ADGRG5: variants seen among roughly 807,000 people sequenced by gnomAD.
ADGRG5 encodes adhesion G protein-coupled receptor G5.
Under a neutral mutation model 53.2 loss-of-function variants are expected in ADGRG5, and 37 were observed. The observed-to-expected ratio is 0.70, with a 90% CI of 0.53 to 0.91. ADGRG5 has a LOEUF of 0.91. ADGRG5 is among the 40% of genes least tolerant of loss of function. ADGRG5 has a pLI of 0.00. For synonymous variants in ADGRG5, 277 were observed against 290.4 expected (o/e 0.95, Z 0.47); for missense variants, 614 against 675.8 (o/e 0.91, Z 1.01).
At chr16:57,536,100 G>A in the ADGRG5 span, among the ~76,000 whole-genome samples, 1 of 152,138 alleles carries the variant, frequency 6.6e-6, no homozygotes, top group African/African-American at 2.4e-5. Flanking sequence ...CCGCGGCTCT[G>A]GGCAGGGCGC....
rs543928981 is a variant in ADGRG5, at chr16:57,550,515, A to G, written c.-39+7814A>G. On this transcript the variant is annotated intron_variant, in intron 1 of 11. Coordinates refer to ENST00000349457, the MANE Select transcript of ADGRG5 (RefSeq NM_001304376.3). ...TAATTTTGATGAAATTCAACTTATC[A>G]GTTTTTTGTTGTTGTTGTTGCCATG... Among the ~76,000 whole-genome samples, 57 of 152,292 alleles carry G rather than the reference A, an allele frequency of 3.7e-4. 1 individual carries two copies. The highest frequency in any genetic ancestry group is 1.3e-3 in the African/African-American group (56 of 41,570).
intron 1 of ADGRG5, among the ~76,000 whole-genome samples, chr16:57,548,176 C>CTT (rs57571395): frequency 0.33 from 47,242 of 141,550 alleles, 7,943 homozygotes; most frequent in East Asian, 0.46. Flanking sequence ...CTATACACAT[C>CTT]TTTTTTTTTT....
chr16:57,563,513 C>T (rs558225305), intron 4 of ADGRG5, among the ~76,000 whole-genome samples: 90 of 152,326 alleles, frequency 5.9e-4, no homozygotes, highest in Non-Finnish European at 9.8e-4. Flanking sequence ...CTGCGGGAGG[C>T]GCTGTGGGAG....
chr16:57,559,152 G>T (rs1461051194), intron 1 of ADGRG5, among the ~76,000 whole-genome samples: 3 of 152,084 alleles, frequency 2.0e-5, no homozygotes, highest in African/African-American at 7.2e-5. Flanking sequence ...GCCCAGCACT[G>T]ATGTCTTTTG....
chr16:57,564,059 G>C, intron 5 of ADGRG5, 80 bp downstream of exon 5: 1 of 1,499,202 alleles, frequency 6.7e-7, no homozygotes, highest in South Asian at 1.2e-5. Context: ...TCACTGCCTG[G>C]CCTCTGGGTG....
chr16:57,539,026 A>G (rs2032450057), upstream of ADGRG5, among the ~76,000 whole-genome samples: 1 of 152,244 alleles, frequency 6.6e-6, no homozygotes, highest in African/African-American at 2.4e-5. Context: ...TTCTACACCC[A>G]TGTTGATTGT....
chr16:57,575,534 A>G lies in ADGRG5; in HGVS notation c.1583A>G (p.Gln528Arg). Reference protein sequence around the residue: ...IEAFSSSQTTQ With the variant: ...IEAFSSSQTTR ...GCCTTCAGCTCCTCCCAAACAACAC[A>G]GTAGTCCGGGCCTCCTGGCCTGGAA... is the stretch of plus-strand genomic sequence containing the variant. Residue 528 changes from glutamine to arginine, a missense_variant, in exon 12 of 12, where the codon CAG becomes CGG. By Grantham distance (43) the Gln-to-Arg change is conservative. Transcript: ENST00000349457. The G allele has an allele frequency of 3.1e-6, 5 of 1,613,016 alleles. No homozygotes were observed. The highest frequency in any genetic ancestry group is 4.2e-6 in the Non-Finnish European group (5 of 1,179,014).
At chr16:57,553,092 C>T (rs2146770184) in intron 1 of ADGRG5, among the ~76,000 whole-genome samples, 1 of 152,214 alleles carries the variant, frequency 6.6e-6, no homozygotes, top group African/African-American at 2.4e-5. Flanking sequence ...GATCTCTGTT[C>T]ACAGATCACC....
Position 57,574,969 on chromosome 16 carries a change from G to A in ADGRG5, c.1363G>A (p.Asp455Asn). The change falls in exon 11 of 12, where the codon GAC becomes AAC. Residue 455 changes from aspartate to asparagine, a missense_variant. Asp to Asn is a conservative substitution (Grantham distance 23). Coordinates refer to ENST00000349457, the MANE Select transcript of ADGRG5 (RefSeq NM_001304376.3). The surrounding 1 kb of genome is among the most constrained non-coding windows in gnomAD (Gnocchi z 4.4). Reference protein sequence around the residue: ...ADAPSVRACHDTVTVLGLTVL... With the variant: ...ADAPSVRACHNTVTVLGLTVL... ...TGCACCAAGTGTCAGGGCCTGCCATGACACTGTCACTGTGCTGGGCCTCAC... is the reference window on the plus strand; with the variant it reads ...TGCACCAAGTGTCAGGGCCTGCCATAACACTGTCACTGTGCTGGGCCTCAC... The A allele has an allele frequency of 1.2e-6, 2 of 1,613,878 alleles. No homozygotes were observed. Among genetic ancestry groups the A allele is most frequent in the Non-Finnish European group, 1.7e-6 (2 of 1,180,006 alleles).
the ADGRG5 span, among the ~76,000 whole-genome samples, chr16:57,533,673 C>G: frequency 4.0e-5 from 6 of 151,842 alleles, no homozygotes; most frequent in Non-Finnish European, 8.8e-5. Flanking sequence ...GACCTGCACT[C>G]ACACACAGCC....
intron 6 of ADGRG5, 184 bp from the exon 7 acceptor site, chr16:57,566,415 C>T (rs2033131246): frequency 2.1e-6 from 1 of 467,266 alleles, no homozygotes. Context: ...TTGCCTGGGT[C>T]ACTCTGAGAG....
chr16:57,532,123 G>A, the ADGRG5 span, among the ~76,000 whole-genome samples: 34 of 152,140 alleles, frequency 2.2e-4, no homozygotes, highest in Admixed American at 3.3e-4. Context: ...ATGTGTGAGA[G>A]AGACCAGTGC....
intron 1 of ADGRG5, among the ~76,000 whole-genome samples, chr16:57,561,583 G>A (rs2033001697): frequency 2.0e-5 from 3 of 152,140 alleles, no homozygotes; most frequent in Non-Finnish European, 4.4e-5. Context: ...GCTTTAAGGG[G>A]CAGACATAAA....
intron 1 of ADGRG5, among the ~76,000 whole-genome samples, chr16:57,553,332 T>C (rs181365630): frequency 4.6e-5 from 7 of 152,348 alleles, no homozygotes; most frequent in Admixed American, 3.9e-4. Context: ...CTGTGATCCA[T>C]TCTGAGTTAA....
At chr16:57,563,584 G>T (rs1271527302) in intron 4 of ADGRG5, among the ~76,000 whole-genome samples, 2 of 152,208 alleles carry the variant, frequency 1.3e-5, no homozygotes, top group Non-Finnish European at 2.9e-5. Context: ...CCTGGCAGGG[G>T]CTGGGGCTGG....
chr16:57,549,136 G>C (rs1278827562), intron 1 of ADGRG5, among the ~76,000 whole-genome samples: 1 of 152,162 alleles, frequency 6.6e-6, no homozygotes, highest in Non-Finnish European at 1.5e-5. Flanking sequence ...TCTTGTATGT[G>C]TATAATCCTG....
At chr16:57,547,738 C>T (rs941708307) in intron 1 of ADGRG5, among the ~76,000 whole-genome samples, 9 of 151,968 alleles carry the variant, frequency 5.9e-5, no homozygotes, top group South Asian at 2.1e-4. Context: ...TGAGCCACTG[C>T]GCCCAGCCTG....
chr16:57,541,437 G>T (rs2146739702), upstream of ADGRG5, among the ~76,000 whole-genome samples: 1 of 152,300 alleles, frequency 6.6e-6, no homozygotes, highest in Non-Finnish European at 1.5e-5. Flanking sequence ...CACCCAGAGG[G>T]AGTGTAGCCC....
intron 4 of ADGRG5, 32 bp from the exon 5 acceptor site, chr16:57,563,816 T>C (rs370853359): frequency 6.2e-7 from 1 of 1,612,044 alleles, no homozygotes; most frequent in Non-Finnish European, 8.5e-7. Context: ...CAGGTCCTGG[T>C]TGCCAAACAG....
Sources: allele counts gnomAD v4.1 joint callset (sites outside exome capture counted in the v4.1 genomes callset), GRCh38; gene constraint gnomAD v4.1.1; non-coding constraint Gnocchi (gnomAD v3.1); transcripts MANE v1.5; gene names NCBI Gene and HGNC (gene_info 2026-07-23, HGNC 2026-07-21).